SKP1: variants seen among roughly 807,000 people sequenced by gnomAD.
The protein encoded by SKP1 is S-phase kinase associated protein 1.
SKP1 carries 1 observed loss-of-function variant against 21.5 expected under a neutral mutation model. The ratio of observed to expected loss-of-function variants is 0.05; its 90% CI spans 0.02 to 0.22. The LOEUF is 0.22. Ranked by LOEUF, SKP1 falls within the 10% of genes least tolerant of loss-of-function variation. The pLI is 1.00. For synonymous variants in SKP1, 59 were observed against 59.3 expected (o/e 0.99, Z 0.03); for missense variants, 70 against 192.0 (o/e 0.36, Z 3.76).
chr5:134,157,820 G>A (rs1761146666), intron 5 of SKP1, 52 bp from the exon 6 acceptor site: 4 of 1,612,482 alleles, frequency 2.5e-6, no homozygotes, highest in Middle Eastern at 3.3e-4. Flanking sequence ...TCTTTCCTAA[G>A]ACTTATAAAT....
intron 4 of SKP1, among the ~76,000 whole-genome samples, chr5:134,159,966 A>C (rs530150884): frequency 6.6e-6 from 1 of 150,436 alleles, no homozygotes; most frequent in East Asian, 2.0e-4. Flanking sequence ...CACAGGCGTG[A>C]GCCACCGCAC....
In SKP1 at chr5:134,155,387, A is replaced by G. The variant is rs540245268; in HGVS notation, c.*2346T>C. 26 of 152,356 alleles carry G rather than the reference A, an allele frequency of 1.7e-4. No individual in the cohort carries two copies. Among genetic ancestry groups the G allele is most frequent in the African/African-American group, 5.8e-4 (24 of 41,586 alleles). 9.4% of individuals were successfully genotyped at this position (152,356 alleles called of 1,614,324 possible). A position where few individuals can be genotyped will look rare whatever the true frequency, so the allele number is the denominator to read the frequency against. ...AGAAAGGTAGGAAAATAATACTGCA[A>G]CCAGACTGAAAAGGGCTTCTTAATA... On this transcript the variant is annotated 3_prime_UTR_variant, in exon 6 of 6. Transcript: ENST00000353411.
In SKP1 at chr5:134,153,268, G is replaced by A. The variant is rs1038467671; in HGVS notation, c.*4465C>T. 2.0e-5 allele frequency: 3 copies of A among 152,028 alleles called. No homozygotes were observed. Among genetic ancestry groups the A allele is most frequent in the Non-Finnish European group, 2.9e-5 (2 of 68,022 alleles). 9.4% of individuals were successfully genotyped at this position (152,028 alleles called of 1,614,324 possible). The stretch of plus-strand genomic sequence containing the variant: ...AGGAGGATCTTGAGCCCAGGAATTC[G>A]AAAACAGCCTGGGCAACATGAGGAG... On this transcript the variant is annotated 3_prime_UTR_variant, in exon 6 of 6. Coordinates refer to ENST00000353411, the MANE Select transcript of SKP1 (RefSeq NM_170679.3).
intron 3 of SKP1, among the ~76,000 whole-genome samples, chr5:134,162,191 C>G (rs762872774): frequency 4.6e-5 from 7 of 152,128 alleles, no homozygotes; most frequent in Non-Finnish European, 8.8e-5. Context: ...CACTCGACCT[C>G]CTGTGCTTAA....
At chr5:134,169,844 A>T (rs1761405879) in intron 2 of SKP1, among the ~76,000 whole-genome samples, 1 of 152,228 alleles carries the variant, frequency 6.6e-6, no homozygotes, top group Non-Finnish European at 1.5e-5. Flanking sequence ...TAATAAAAAT[A>T]CAAAAAACTA....
chr5:134,172,654 G>A (rs1761464356), intron 2 of SKP1, among the ~76,000 whole-genome samples: 1 of 152,036 alleles, frequency 6.6e-6, no homozygotes, highest in Non-Finnish European at 1.5e-5. Flanking sequence ...GTGCCGAGGT[G>A]GGAGGATGGC....
rs533193540 is a variant in SKP1 at position 134,171,944 on chromosome 5, G to A, written c.97+1982C>T. Among the ~76,000 whole-genome samples, 13 of 152,210 alleles carry A rather than the reference G, an allele frequency of 8.5e-5. No individual in the cohort carries two copies. In the South Asian group the frequency reaches 1.9e-3, roughly 22 times the overall value. On this transcript the variant is annotated intron_variant, in intron 2 of 5. Transcript: ENST00000353411. ...CTGTAATCCCAGCTACTTGGGAGGC[G>A]GAGGCAGGAGAAGTGCTTGAAGCCG...
At chr5:134,162,178 G>A (rs574714450) in intron 3 of SKP1, among the ~76,000 whole-genome samples, 6 of 152,252 alleles carry the variant, frequency 3.9e-5, no homozygotes, top group African/African-American at 1.2e-4. Context: ...CGCGATCATG[G>A]CTCACTCGAC....
In SKP1 at chr5:134,156,364, ATC is replaced by A. The variant is rs935440985; in HGVS notation, c.*1367_*1368del. The A allele has an allele frequency of 7.9e-5, 12 of 152,204 alleles. No individual in the cohort carries two copies. Among genetic ancestry groups the A allele is most frequent in the Non-Finnish European group, 1.8e-4 (12 of 68,036 alleles). The allele number at this position is 152,204 out of a possible 1,614,324, so 9.4% of individuals were successfully genotyped here. On this transcript the variant is annotated 3_prime_UTR_variant, in exon 6 of 6. Transcript: ENST00000353411. Reference sequence around the variant, plus strand: ...TTTGACCCACACATTATAGTTTCCTATCTCTGGTACAGACAACAAATTGGAAT... The same window carrying A: ...TTTGACCCACACATTATAGTTTCCTATCTGGTACAGACAACAAATTGGAAT...
At chr5:134,176,439 A>C (rs10077813) in intron 1 of SKP1, among the ~76,000 whole-genome samples, 7,921 of 152,144 alleles carry the variant, frequency 0.052, 598 homozygotes, top group African/African-American at 0.17. Context: ...GCCCACGCTC[A>C]CGACAGCCAA....
rs1217111130 is a variant in SKP1, at chr5:134,149,698, T to TA, written c.*8034dup. ...TGTTCTGGCTACTGGCCTAGTTGTT[T>TA]AAAAAACCTACATTCTAACCAGGGC... On this transcript the variant is annotated 3_prime_UTR_variant, in exon 6 of 6. Transcript: ENST00000353411. The TA allele has an allele frequency of 4.6e-5, 7 of 152,212 alleles. No homozygotes were observed. Among genetic ancestry groups the TA allele is most frequent in the Admixed American group, 2.6e-4 (4 of 15,284 alleles). The allele number at this position is 152,212 out of a possible 1,614,324, so 9.4% of individuals were successfully genotyped here.
intron 1 of SKP1, chr5:134,174,687 T>C (rs1761504677): frequency 6.6e-6 from 1 of 152,588 alleles, no homozygotes; most frequent in South Asian, 2.1e-4. Context: ...TCCATAATAA[T>C]AACCTATTAC....
chr5:134,150,402 T>C lies in SKP1; in HGVS notation c.*7331A>G, dbSNP rs1761027342. The C allele has an allele frequency of 6.6e-6, 1 of 152,234 alleles. No individual in the cohort carries two copies. Among genetic ancestry groups the C allele is most frequent in the African/African-American group, 2.4e-5 (1 of 41,442 alleles). 9.4% of individuals were successfully genotyped at this position (152,234 alleles called of 1,614,324 possible). On this transcript the variant is annotated 3_prime_UTR_variant, in exon 6 of 6. Transcript: ENST00000353411. ...GGAAGCGGAAGGGTTCTTTATATCC[T>C]GTTCCAGAGAGGAAGAAAGGGAATC...
At chr5:134,164,592 A>G (rs919490448) in intron 3 of SKP1, among the ~76,000 whole-genome samples, 4 of 152,184 alleles carry the variant, frequency 2.6e-5, no homozygotes, top group African/African-American at 9.7e-5. Context: ...TGAATGTACC[A>G]GGCATTCGAC....
intron 5 of SKP1, chr5:134,158,220 T>C (rs1436361742): frequency 1.4e-6 from 2 of 1,425,798 alleles, no homozygotes; most frequent in African/African-American, 1.4e-5. Flanking sequence ...GTTAATACAT[T>C]AACAAGAGCT....
In SKP1 at chr5:134,154,692, CAA is replaced by C. The variant is rs1281697623; in HGVS notation, c.*3039_*3040del. ...GCATGTTGTTTACAGAGGAAACCGA[CAA>C]ACATCCTTCAATCACCCAAATCTGC... On this transcript the variant is annotated 3_prime_UTR_variant, in exon 6 of 6. Coordinates refer to ENST00000353411, the MANE Select transcript of SKP1 (RefSeq NM_170679.3). 6.6e-6 allele frequency: 1 copy of C among 152,162 alleles called. No homozygotes were observed. The highest frequency in any genetic ancestry group is 6.5e-5 in the Admixed American group (1 of 15,278). 9.4% of individuals were successfully genotyped at this position (152,162 alleles called of 1,614,324 possible).
In SKP1 at chr5:134,153,627, AG is replaced by A. The variant is rs1369128706; in HGVS notation, c.*4105del. 1 of 152,248 alleles carries A rather than the reference AG, an allele frequency of 6.6e-6. No individual in the cohort carries two copies. Among genetic ancestry groups the A allele is most frequent in the Non-Finnish European group, 1.5e-5 (1 of 68,048 alleles). The allele number at this position is 152,248 out of a possible 1,614,324, so 9.4% of individuals were successfully genotyped here. On this transcript the variant is annotated 3_prime_UTR_variant, in exon 6 of 6. Coordinates refer to ENST00000353411, the MANE Select transcript of SKP1 (RefSeq NM_170679.3). ...AAGCTTGTAAAGGGTGCTGAGAGCA[AG>A]AGGTCTGCTGCTCTCTCAATTTTCT...
intron 1 of SKP1, 81 bp from the exon 2 acceptor site, chr5:134,174,103 G>T: frequency 1.2e-6 from 1 of 855,584 alleles, no homozygotes; most frequent in Non-Finnish European, 2.0e-6. Context: ...CCATCAGAAG[G>T]CTCTAACTTA....
chr5:134,168,381 G>T lies in SKP1; in HGVS notation c.98-1138C>A, dbSNP rs1004532858. ...AAATACTAAAAATGCGCACAAACAC[G>T]CACAAAACAGATCATGCAGCCACTG... On this transcript the variant is annotated intron_variant, in intron 2 of 5. Transcript: ENST00000353411. Among the ~76,000 whole-genome samples, 8 of 151,806 alleles carry T rather than the reference G, an allele frequency of 5.3e-5. No individual in the cohort carries two copies. The South Asian group carries it at 1.2e-3, about 24-fold the overall frequency.
Sources: gnomAD v4.1 joint callset for allele counts (sites outside exome capture counted in the v4.1 genomes callset) on GRCh38, gnomAD v4.1.1 for gene constraint, MANE v1.5 for transcripts, NCBI Gene and HGNC (gene_info 2026-07-23, HGNC 2026-07-21) for gene names.